FOXM1: variants seen among roughly 807,000 people sequenced by gnomAD.
The protein encoded by FOXM1 is forkhead box protein M1.
In FOXM1, 25 loss-of-function variants were observed where a neutral mutation model predicts 63.6. The ratio of observed to expected loss-of-function variants is 0.39; its 90% CI spans 0.29 to 0.55. FOXM1 has a LOEUF of 0.55. Among genes scored for constraint, FOXM1 ranks in the 20% least tolerant of loss-of-function variants. FOXM1 has a pLI of 0.60. For synonymous variants in FOXM1, 387 were observed against 376.9 expected (o/e 1.03, Z -0.31); for missense variants, 879 against 958.7 (o/e 0.92, Z 1.10).
intron 1 of FOXM1, among the ~76,000 whole-genome samples, chr12:2,875,824 A>C (rs1444327270): frequency 6.7e-6 from 1 of 148,934 alleles, no homozygotes; most frequent in Non-Finnish European, 1.5e-5. Flanking sequence ...GCAATGGCGC[A>C]ATCTCAGCTC....
At chr12:2,861,273 C>T (rs2098112322) in intron 8 of FOXM1, 1 of 713,798 alleles carries the variant, frequency 1.4e-6, no homozygotes, top group Non-Finnish European at 2.5e-6. Flanking sequence ...AGTCACCAAA[C>T]ATAATGACAA....
intron 4 of FOXM1, among the ~76,000 whole-genome samples, chr12:2,867,979 C>CAAAA (rs60064456): frequency 2.6e-4 from 18 of 68,196 alleles, no homozygotes; most frequent in Non-Finnish European, 4.1e-4. Flanking sequence ...GACTCTGTCT[C>CAAAA]AAAAAAAAAA....
Position 2,864,116 on chromosome 12 carries a change from G to T in FOXM1, c.1266+204C>A. ...TCTTACAAGCTCATCAGGTATTTAT[G>T]GGCCTTCTGACACCACTTACATTGT... On this transcript the variant is annotated intron_variant, in intron 8 of 8. Transcript: ENST00000359843. This position sits in a 1 kb window ranked among gnomAD's most constrained non-coding sequence, Gnocchi z 5.1. 1 of 548,878 alleles carries T rather than the reference G, an allele frequency of 1.8e-6. No homozygotes were observed. Among genetic ancestry groups the T allele is most frequent in the Non-Finnish European group, 3.2e-6 (1 of 308,322 alleles). 34.0% of individuals were successfully genotyped at this position (548,878 alleles called of 1,614,324 possible).
Position 2,858,898 on chromosome 12 carries a change from T to C in FOXM1, c.2032A>G (p.Ser678Gly). 1 of 1,613,846 alleles carries C rather than the reference T, an allele frequency of 6.2e-7. No individual in the cohort carries two copies. The highest frequency in any genetic ancestry group is 8.5e-7 in the Non-Finnish European group (1 of 1,179,970). ...PPLESPQRLLSSEPLDLISVP... is the reference protein window; with the variant it reads ...PPLESPQRLLGSEPLDLISVP... ...GAGATGAGGTCTAAGGGTTCTGAAC[T>C]GAGGAGCCTTTGCGGTGATTCAAGG... Residue 678 changes from serine (S) to glycine (G), a missense_variant, in exon 9 of 9, where the codon AGT becomes GGT. By Grantham distance (56) the Ser-to-Gly change is moderately conservative. Around this residue, in one of 4 missense-constraint regions of FOXM1, gnomAD observed 486 missense variants for 453.5 expected, o/e 1.07. Coordinates refer to ENST00000359843, the MANE Select transcript of FOXM1 (RefSeq NM_021953.4).
chr12:2,859,131 G>A lies in FOXM1; in HGVS notation c.1799C>T (p.Thr600Ile), dbSNP rs369897716. ...YSQEVGGPFK[T>I]PIKETLPISS... ...GATGGGCAGCGTTTCCTTAATGGGT[G>A]TCTTAAAAGGTCCTCCCACTTCCTG... is the stretch of plus-strand genomic sequence containing the variant. Residue 600 changes from threonine to isoleucine, a missense_variant, in exon 9 of 9, where the codon ACA (threonine) becomes ATA (isoleucine). Transcript: ENST00000359843. 54 of 1,605,512 alleles carry A rather than the reference G, an allele frequency of 3.4e-5. No homozygotes were observed. In the African/African-American group the frequency reaches 5.5e-4, roughly 16 times the overall value.
rs2098135219 is a variant in FOXM1 at position 2,872,693 on chromosome 12, T to C, written c.503-446A>G. On this transcript the variant is annotated intron_variant, in intron 2 of 8. Coordinates refer to ENST00000359843, the MANE Select transcript of FOXM1 (RefSeq NM_021953.4). The surrounding 1 kb of genome is among the most constrained non-coding windows in gnomAD (Gnocchi z 4.0). ...AGGGACGGAGAACACATGCTGAATC[T>C]ATTGTGGCTCTAAGTTACTCTGCCC... Among the ~76,000 whole-genome samples the C allele has an allele frequency of 6.6e-6, 1 of 152,170 alleles. No homozygotes were observed. Among genetic ancestry groups the C allele is most frequent in the African/African-American group, 2.4e-5 (1 of 41,436 alleles).
At chr12:2,867,245 G>C (rs568935664) in intron 4 of FOXM1, among the ~76,000 whole-genome samples, 1 of 152,022 alleles carries the variant, frequency 6.6e-6, no homozygotes, top group East Asian at 1.9e-4. Flanking sequence ...CAGGAGGAGT[G>C]CTTGAGACTA....
intron 8 of FOXM1, among the ~76,000 whole-genome samples, chr12:2,862,918 C>G (rs1316868367): frequency 6.6e-6 from 1 of 151,550 alleles, no homozygotes; most frequent in Non-Finnish European, 1.5e-5. Flanking sequence ...TTTCATCTCT[C>G]TGAAGGGGAT....
At position 2,869,296 on chromosome 12, in the gene FOXM1, G is replaced by T. The variant is rs78991313; in HGVS notation, c.655-542C>A. 6.6e-5 allele frequency among the ~76,000 whole-genome samples: 10 copies of T among 152,162 alleles called. No homozygotes were observed. In the East Asian group the frequency reaches 1.9e-3, roughly 29 times the overall value. ...TTTCTTTTTCTTTTTTTGAGACAGG[G>T]TCTCACTGTGTCACCCAGGATAGCG... On this transcript the variant is annotated intron_variant, in intron 3 of 8. Transcript: ENST00000359843.
At position 2,872,080 on chromosome 12, in the gene FOXM1, G is replaced by C. The variant is rs2098134125; in HGVS notation, c.654+16C>G. 1.9e-6 allele frequency: 3 copies of C among 1,613,690 alleles called. No homozygotes were observed. Among genetic ancestry groups the C allele is most frequent in the Non-Finnish European group, 1.7e-6 (2 of 1,179,732 alleles). On this transcript the variant is annotated intron_variant, in intron 3 of 8. Transcript: ENST00000359843. This position sits in a 1 kb window ranked among gnomAD's most constrained non-coding sequence, Gnocchi z 4.0. The stretch of plus-strand genomic sequence containing the variant: ...CACTGGATCTGATTTCTTTAGTGAG[G>C]GACGGAACAATTCACCTTAACCTGT...
Position 2,872,013 on chromosome 12 carries a change from C to T in FOXM1, c.654+83G>A. The stretch of plus-strand genomic sequence containing the variant: ...ATACCAGAACTTGGAAATTCTGGTC[C>T]ATCAGGCCACTTGATCCATTTCCCT... On this transcript the variant is annotated intron_variant, in intron 3 of 8. Coordinates refer to ENST00000359843, the MANE Select transcript of FOXM1 (RefSeq NM_021953.4). The surrounding 1 kb of genome is among the most constrained non-coding windows in gnomAD (Gnocchi z 4.0). The T allele has an allele frequency of 2.1e-6, 3 of 1,435,414 alleles. No individual in the cohort carries two copies. Among genetic ancestry groups the T allele is most frequent in the East Asian group, 2.3e-5 (1 of 44,000 alleles). 88.9% of individuals were successfully genotyped at this position (1,435,414 alleles called of 1,614,324 possible).
At chr12:2,869,577 A>G (rs1427397368) in intron 3 of FOXM1, among the ~76,000 whole-genome samples, 1 of 151,856 alleles carries the variant, frequency 6.6e-6, no homozygotes. Context: ...CTGAGATTAC[A>G]GGTGCCTGCC....
chr12:2,874,192 T>C lies in FOXM1; in HGVS notation c.287A>G (p.Lys96Arg). The C allele has an allele frequency of 1.2e-6, 2 of 1,614,158 alleles. No homozygotes were observed. The highest frequency in any genetic ancestry group is 1.7e-6 in the Non-Finnish European group (2 of 1,180,032). ...SIITALTAKG[K>R]ESGSSGPNKF... ...GTTGGGCCCACTACTGCCACTCTCT[T>C]TTCCCTTGGCAGTCAGTGCTGTGAT... The change falls in exon 2 of 9, where the codon AAA becomes AGA. Residue 96 changes from lysine (K) to arginine (R), a missense_variant. Physicochemically the swap from Lys to Arg is conservative, Grantham distance 26. Coordinates refer to ENST00000359843, the MANE Select transcript of FOXM1 (RefSeq NM_021953.4). This position sits in a 1 kb window ranked among gnomAD's most constrained non-coding sequence, Gnocchi z 4.3.
intron 8 of FOXM1, among the ~76,000 whole-genome samples, chr12:2,859,956 C>T (rs1310139030): frequency 6.6e-6 from 1 of 152,046 alleles, no homozygotes; most frequent in Non-Finnish European, 1.5e-5. Flanking sequence ...TTAGGCTGCT[C>T]TGATGGTAGC....
At position 2,874,124 on chromosome 12, in the gene FOXM1, G is replaced by C. The variant is rs771060477; in HGVS notation, c.355C>G (p.Pro119Ala). Residue 119 changes from proline (P) to alanine (A), a missense_variant, in exon 2 of 9, where the codon CCA (proline) becomes GCA (alanine). Physicochemically the swap from Pro to Ala is conservative, Grantham distance 27. This residue lies in a region of FOXM1 where 255 missense variants were observed against 292.4 expected (regional missense o/e 0.87). Transcript: ENST00000359843. The surrounding 1 kb of genome is among the most constrained non-coding windows in gnomAD (Gnocchi z 4.3). ...ISCGGAPTQP[P>A]GLRPQTQTSY... ...GTTTGGGTTTGAGGCCGGAGTCCTG[G>C]AGGCTGAGTTGGGGCTCCCCCACAG... 1.2e-6 allele frequency: 2 copies of C among 1,614,190 alleles called. No homozygotes were observed. The highest frequency in any genetic ancestry group is 1.7e-6 in the Non-Finnish European group (2 of 1,180,048).
At chr12:2,876,544 G>C (rs1374312032) in intron 1 of FOXM1, 3 of 152,428 alleles carry the variant, frequency 2.0e-5, no homozygotes, top group African/African-American at 7.2e-5. Flanking sequence ...GTGTTGCCTA[G>C]TGGTGAGACA....
At position 2,858,850 on chromosome 12, in the gene FOXM1, G is replaced by A; in HGVS notation, c.2080C>T (p.Pro694Ser). The change falls in exon 9 of 9, where the codon CCC becomes TCC. Residue 694 changes from proline (P) to serine (S), a missense_variant. By Grantham distance (74) the Pro-to-Ser change is moderately conservative. Around this residue, in one of 4 missense-constraint regions of FOXM1, gnomAD observed 486 missense variants for 453.5 expected, o/e 1.07. Transcript: ENST00000359843. ...LISVPFGNSS[P>S]SDIDVPKPGS... ...GGCTTGGGGACGTCTATATCTGAGG[G>A]AGAAGAGTTGCCAAAGGGGACGGAG... 6.2e-7 allele frequency: 1 copy of A among 1,614,172 alleles called. No individual in the cohort carries two copies. The highest frequency in any genetic ancestry group is 8.5e-7 in the Non-Finnish European group (1 of 1,180,028).
chr12:2,876,886 C>T (rs12425068), intron 1 of FOXM1, 34 bp downstream of exon 1: 14,205 of 152,730 alleles, frequency 0.093, 868 homozygotes, highest in Non-Finnish European at 0.13. Flanking sequence ...GTGCCCAGGC[C>T]AGGCCTGGGA....
chr12:2,873,666 C>T (rs1178094500), intron 2 of FOXM1, among the ~76,000 whole-genome samples: 2 of 151,800 alleles, frequency 1.3e-5, no homozygotes, highest in Non-Finnish European at 2.9e-5. Flanking sequence ...GCAACCTCCA[C>T]CTCCCAGGTT....
Sources: gnomAD v4.1 joint callset for allele counts (sites outside exome capture counted in the v4.1 genomes callset) on GRCh38, gnomAD v4.1.1 for gene constraint, gnomAD v4.1.1 regional missense constraint, Gnocchi (gnomAD v3.1) non-coding constraint, MANE v1.5 for transcripts, NCBI Gene and HGNC (gene_info 2026-07-23, HGNC 2026-07-21) for gene names.